ERICH1: variants seen among roughly 807,000 people sequenced by gnomAD.
The protein encoded by ERICH1 is glutamate-rich protein 1.
ERICH1 carries 56 observed loss-of-function variants against 39.6 expected under a neutral mutation model. That is an observed-to-expected ratio of 1.41 (90% confidence interval 1.14 to 1.77). The LOEUF (loss-of-function observed/expected upper bound fraction) is 1.77. Among genes scored for constraint, ERICH1 ranks in the 40% most tolerant of loss-of-function variants. The pLI is 0.00. For missense variants in ERICH1, 826 were observed against 575.4 expected, an observed-to-expected ratio of 1.44 and a Z score of -4.45; for synonymous variants, 313 against 223.6, an observed-to-expected ratio of 1.40 and a Z score of -3.57.
chr8:678,319 C>G (rs1001257186), intron 3 of ERICH1, among the ~76,000 whole-genome samples: 1 of 152,102 alleles, frequency 6.6e-6, no homozygotes, highest in East Asian at 1.9e-4. Context: ...AGTGCCGATA[C>G]GTCTTGTTGG....
At chr8:630,044 C>G (rs1797888275) in intron 3 of ERICH1, among the ~76,000 whole-genome samples, 1 of 94,572 alleles carries the variant, frequency 1.1e-5, no homozygotes, top group Non-Finnish European at 2.5e-5. Flanking sequence ...CGTGACCACC[C>G]ACACAGACAG....
chr8:623,001 C>G (rs1334331256), intron 3 of ERICH1, among the ~76,000 whole-genome samples: 1 of 126,764 alleles, frequency 7.9e-6, no homozygotes, highest in Non-Finnish European at 1.7e-5. Flanking sequence ...CAATACTAAT[C>G]AATACCAATA....
chr8:707,410 G>C (rs771106197), intron 2 of ERICH1, among the ~76,000 whole-genome samples: 1 of 151,980 alleles, frequency 6.6e-6, no homozygotes, highest in Non-Finnish European at 1.5e-5. Flanking sequence ...GTTTCACCAC[G>C]TTGGCCAGGC....
At chr8:667,315 C>A in intron 5 of ERICH1, 1 of 153,760 alleles carries the variant, frequency 6.5e-6, no homozygotes, top group Non-Finnish European at 1.5e-5. Flanking sequence ...TTCTGCAACT[C>A]ACATCCATCC....
chr8:660,802 G>A (rs1024039639), downstream of ERICH1, among the ~76,000 whole-genome samples: 6 of 152,172 alleles, frequency 3.9e-5, no homozygotes, highest in Non-Finnish European at 8.8e-5. Context: ...CGCAGCTTTC[G>A]AGCTGCTTCC....
In ERICH1 at chr8:632,933, A is replaced by G. The variant is rs372382751; in HGVS notation, c.977-17649T>C. 1.3e-4 allele frequency among the ~76,000 whole-genome samples: 20 copies of G among 152,334 alleles called. No homozygotes were observed. In the South Asian group the frequency reaches 1.4e-3, roughly 11 times the overall value. On this transcript the variant is annotated intron_variant, in intron 3 of 3. Transcript: ENST00000522706. The stretch of plus-strand genomic sequence containing the variant: ...CGTCCCACGGTGCACAGGATGCCCC[A>G]CAGCAAAGAGCCGTTTAGGCAAAAC...
In ERICH1 at chr8:723,704, T is replaced by G. The variant is rs1451559452; in HGVS notation, c.22+7436A>C. Reference sequence around the variant, plus strand: ...TTAACATTTATTAGGGTTATTGTATTTTCTGGAAATCTGATTGTTTCAATT... The same window carrying G: ...TTAACATTTATTAGGGTTATTGTATGTTCTGGAAATCTGATTGTTTCAATT... On this transcript the variant is annotated intron_variant, in intron 1 of 5. Coordinates refer to ENST00000262109, the MANE Select transcript of ERICH1 (RefSeq NM_207332.3). 7.2e-5 allele frequency among the ~76,000 whole-genome samples: 11 copies of G among 152,236 alleles called. No homozygotes were observed. The South Asian group carries it at 1.7e-3, about 23-fold the overall frequency.
intron 3 of ERICH1, among the ~76,000 whole-genome samples, chr8:629,864 A>G (rs1464515793): frequency 7.4e-6 from 1 of 134,538 alleles, no homozygotes; most frequent in African/African-American, 3.1e-5. Context: ...ACCCACACAG[A>G]CAGAGCTGAC....
At chr8:717,971 CAAGGCAG>C in intron 1 of ERICH1, among the ~76,000 whole-genome samples, 1 of 152,248 alleles carries the variant, frequency 6.6e-6, no homozygotes, top group East Asian at 1.9e-4. Context: ...TTTTCTGAAA[CAAGGCAG>C]CTGATCCCAA....
chr8:657,918 G>A (rs1800871903), intron 3 of ERICH1, among the ~76,000 whole-genome samples: 1 of 152,146 alleles, frequency 6.6e-6, no homozygotes, highest in African/African-American at 2.4e-5. Context: ...AGGAAGAATG[G>A]CAGAGGTGGT....
intron 3 of ERICH1, among the ~76,000 whole-genome samples, chr8:629,305 C>T (rs1158550066): frequency 6.6e-6 from 1 of 152,064 alleles, no homozygotes; most frequent in Non-Finnish European, 1.5e-5. Flanking sequence ...TCACACCCTC[C>T]CGTGACCACC....
intron 3 of ERICH1, among the ~76,000 whole-genome samples, chr8:636,174 C>T (rs1359803799): frequency 1.3e-5 from 2 of 152,216 alleles, no homozygotes; most frequent in Non-Finnish European, 1.5e-5. Flanking sequence ...CCCCGGCCAC[C>T]TCCACTGCCC....
intron 1 of ERICH1, among the ~76,000 whole-genome samples, chr8:722,897 C>T (rs74340409): frequency 0.011 from 1,681 of 152,272 alleles, 39 homozygotes; most frequent in African/African-American, 0.038. Flanking sequence ...ATAAGAGAGA[C>T]CACAAATATT....
chr8:626,265 A>C (rs1797589781), intron 3 of ERICH1: 1 of 152,180 alleles, frequency 6.6e-6, no homozygotes, highest in South Asian at 2.1e-4. Context: ...TGTGATGGTT[A>C]AGAAAATCCC....
chr8:636,727 C>T (rs910998597), intron 3 of ERICH1, among the ~76,000 whole-genome samples: 5 of 152,248 alleles, frequency 3.3e-5, no homozygotes, highest in African/African-American at 4.8e-5. Flanking sequence ...TGGGGAGGAA[C>T]GGTGCAGACC....
intron 3 of ERICH1, among the ~76,000 whole-genome samples, chr8:628,438 G>A: frequency 6.6e-6 from 1 of 152,232 alleles, no homozygotes; most frequent in East Asian, 1.9e-4. Flanking sequence ...GCCTCCGCCT[G>A]CACCTTCCTG....
chr8:627,097 C>T (rs1296036768), intron 3 of ERICH1: 1 of 456,116 alleles, frequency 2.2e-6, no homozygotes, highest in Non-Finnish European at 4.4e-6. Context: ...ATGGACGTAT[C>T]CCTAGACACC....
At chr8:637,579 C>G (rs1798540111) in intron 3 of ERICH1, 1 of 152,452 alleles carries the variant, frequency 6.6e-6, no homozygotes, top group African/African-American at 2.4e-5. Context: ...TGGCTCTGCT[C>G]ATGGCCACTG....
At chr8:657,500 A>C (rs1389837628) in intron 3 of ERICH1, among the ~76,000 whole-genome samples, 1 of 151,734 alleles carries the variant, frequency 6.6e-6, no homozygotes, top group Non-Finnish European at 1.5e-5. Context: ...TTTTGAATCA[A>C]GTAGAACTCA....
Sources: gnomAD v4.1 joint callset for allele counts (sites outside exome capture counted in the v4.1 genomes callset) on GRCh38, gnomAD v4.1.1 for gene constraint, MANE v1.5 for transcripts, NCBI Gene and HGNC (gene_info 2026-07-23, HGNC 2026-07-21) for gene names.